Variants in NPFFR2 observed in about 807,000 individuals in gnomAD.
NPFFR2 encodes the protein neuropeptide FF receptor 2.
Under a neutral mutation model 13.1 loss-of-function variants are expected in NPFFR2, and 15 were observed. The ratio of observed to expected loss-of-function variants is 1.15; its 90% CI spans 0.77 to 1.76. The LOEUF (loss-of-function observed/expected upper bound fraction) is 1.76, where lower values mean the gene tolerates loss of function less well. Ranked by LOEUF, NPFFR2 falls within the 40% of genes most tolerant of loss-of-function variation. NPFFR2 has a pLI of 0.00. For missense variants in NPFFR2, 572 were observed against 503.5 expected, an observed-to-expected ratio of 1.14 and a Z score of -1.30; for synonymous variants, 190 against 175.7, an observed-to-expected ratio of 1.08 and a Z score of -0.65.
chr4:72,109,017 C>A (rs1408240231), intron 1 of NPFFR2, among the ~76,000 whole-genome samples: 6 of 151,982 alleles, frequency 3.9e-5, no homozygotes, highest in African/African-American at 7.2e-5. Flanking sequence ...CTCTAATACA[C>A]CTTGTAGCTA....
chr4:72,102,446 A>G (rs999927560), intron 1 of NPFFR2, among the ~76,000 whole-genome samples: 2 of 151,960 alleles, frequency 1.3e-5, no homozygotes, highest in African/African-American at 4.8e-5. Context: ...TTACATATGT[A>G]TACATGTGCC....
At chr4:72,106,419 C>A (rs1721420831) in intron 1 of NPFFR2, among the ~76,000 whole-genome samples, 1 of 152,046 alleles carries the variant, frequency 6.6e-6, no homozygotes, top group South Asian at 2.1e-4. Context: ...TGTCAGATTT[C>A]TCACGGCCAA....
At chr4:72,050,957 G>T (rs1295924014) in intron 1 of NPFFR2, among the ~76,000 whole-genome samples, 1 of 151,692 alleles carries the variant, frequency 6.6e-6, no homozygotes, top group Non-Finnish European at 1.5e-5. Context: ...ATTTTTTATG[G>T]CTGCATAGTA....
At chr4:72,116,514 A>G (rs1247817147) in intron 1 of NPFFR2, among the ~76,000 whole-genome samples, 1 of 152,090 alleles carries the variant, frequency 6.6e-6, no homozygotes, top group African/African-American at 2.4e-5. Context: ...GAACCTCACC[A>G]TCACACAATA....
chr4:72,119,141 C>T lies in NPFFR2; in HGVS notation c.-7-9444C>T, dbSNP rs530373324. 2.9e-3 allele frequency among the ~76,000 whole-genome samples: 446 copies of T among 152,140 alleles called. 1 individual carries two copies. Among genetic ancestry groups the T allele is most frequent in the Middle Eastern group, 0.01 (3 of 294 alleles). On this transcript the variant is annotated intron_variant, in intron 1 of 3. Coordinates refer to ENST00000308744, the MANE Select transcript of NPFFR2 (RefSeq NM_004885.3). ...CTCTTCTATACAATATATAAAAATG[C>T]ATAGCACCTGTAAGAAAACAAATAT...
At chr4:72,042,808 G>T (rs1039989563) in intron 1 of NPFFR2, among the ~76,000 whole-genome samples, 11 of 152,156 alleles carry the variant, frequency 7.2e-5, no homozygotes, top group African/African-American at 2.7e-4. Flanking sequence ...AAAATGTGCA[G>T]GCTGATTATG....
rs1414487864 is a variant in NPFFR2 at position 72,056,497 on chromosome 4, A to T, written c.-8+24297A>T. Among the ~76,000 whole-genome samples, 4 of 152,042 alleles carry T rather than the reference A, an allele frequency of 2.6e-5. No homozygotes were observed. In the East Asian group the frequency reaches 5.8e-4, roughly 22 times the overall value. ...ATACAAATAGATTAATGTAGTTTTC[A>T]TGCCTGCTAATACAACATACATTCT... is the stretch of plus-strand genomic sequence containing the variant. On this transcript the variant is annotated intron_variant, in intron 1 of 3. Transcript: ENST00000308744.
At chr4:72,061,610 C>T (rs1016546357) in intron 1 of NPFFR2, among the ~76,000 whole-genome samples, 1 of 152,042 alleles carries the variant, frequency 6.6e-6, no homozygotes, top group Non-Finnish European at 1.5e-5. Flanking sequence ...TATGATAATG[C>T]CTGACATATG....
intron 1 of NPFFR2, among the ~76,000 whole-genome samples, chr4:72,097,617 T>C (rs2109807030): frequency 6.6e-6 from 1 of 152,282 alleles, no homozygotes; most frequent in Middle Eastern, 3.4e-3. Flanking sequence ...TGAATTGAAA[T>C]TGTTCTTTGA....
At chr4:72,077,737 G>A (rs1720488811) in intron 1 of NPFFR2, among the ~76,000 whole-genome samples, 1 of 151,988 alleles carries the variant, frequency 6.6e-6, no homozygotes, top group Non-Finnish European at 1.5e-5. Flanking sequence ...GATTTTTAAG[G>A]CATACTTTTC....
chr4:72,115,342 G>A (rs963681132), intron 1 of NPFFR2, among the ~76,000 whole-genome samples: 3 of 151,982 alleles, frequency 2.0e-5, no homozygotes, highest in African/African-American at 4.8e-5. Flanking sequence ...GAAAATATTT[G>A]CTTCCCTGCA....
At chr4:72,065,161 A>G (rs1720030516) in intron 1 of NPFFR2, among the ~76,000 whole-genome samples, 1 of 152,102 alleles carries the variant, frequency 6.6e-6, no homozygotes, top group Non-Finnish European at 1.5e-5. Context: ...ATTTTAAAAG[A>G]TAATTTAGAG....
chr4:72,123,368 C>G (rs1233324569), intron 1 of NPFFR2, among the ~76,000 whole-genome samples: 1 of 152,192 alleles, frequency 6.6e-6, no homozygotes, highest in Admixed American at 6.5e-5. Flanking sequence ...ACTTCTGAAA[C>G]TCTTCCAAAC....
chr4:72,056,028 CT>C (rs1270497329), intron 1 of NPFFR2, among the ~76,000 whole-genome samples: 3 of 152,034 alleles, frequency 2.0e-5, no homozygotes, highest in Admixed American at 1.3e-4. Flanking sequence ...GACACAGAAA[CT>C]GCCTCAGGTT....
intron 1 of NPFFR2, among the ~76,000 whole-genome samples, chr4:72,098,354 T>C (rs912076198): frequency 2.6e-5 from 4 of 152,202 alleles, no homozygotes; most frequent in African/African-American, 9.6e-5. Flanking sequence ...GGCCAAGATA[T>C]GCTCTAGTTC....
At chr4:72,062,246 G>A (rs1424819709) in intron 1 of NPFFR2, among the ~76,000 whole-genome samples, 4 of 152,054 alleles carry the variant, frequency 2.6e-5, no homozygotes, top group African/African-American at 7.2e-5. Context: ...GTATACTTAA[G>A]TCATTATATT....
At chr4:72,086,020 T>A (rs1177494400) in intron 1 of NPFFR2, among the ~76,000 whole-genome samples, 1 of 152,076 alleles carries the variant, frequency 6.6e-6, no homozygotes, top group East Asian at 1.9e-4. Context: ...TAATGATCAC[T>A]CGTTATCAAT....
At chr4:72,115,063 T>C (rs1157518419) in intron 1 of NPFFR2, among the ~76,000 whole-genome samples, 1 of 152,202 alleles carries the variant, frequency 6.6e-6, no homozygotes, top group African/African-American at 2.4e-5. Flanking sequence ...TAAGATGTTA[T>C]CATATTGCAC....
chr4:72,068,101 G>A (rs770188181), intron 1 of NPFFR2, among the ~76,000 whole-genome samples: 8 of 152,234 alleles, frequency 5.3e-5, no homozygotes, highest in Non-Finnish European at 8.8e-5. Context: ...TTTGGTATCT[G>A]TTATAGCAAC....
Sources: allele counts gnomAD v4.1 joint callset (sites outside exome capture counted in the v4.1 genomes callset), GRCh38; gene constraint gnomAD v4.1.1; transcripts MANE v1.5; gene names NCBI Gene and HGNC (gene_info 2026-07-23, HGNC 2026-07-21).